The following KAZN variants were observed in gnomAD, a reference collection of about 807,000 sequenced individuals.
KAZN encodes the protein kazrin.
A neutral mutation model predicts 87.4 loss-of-function variants in KAZN; 40 were observed. The ratio of observed to expected loss-of-function variants is 0.46; its 90% confidence interval spans 0.36 to 0.60. The LOEUF (loss-of-function observed/expected upper bound fraction) is 0.60. Among genes scored for constraint, KAZN ranks in the 20% least tolerant of loss-of-function variants. The pLI is 0.00. For missense variants in KAZN, 898 were observed against 1,073.9 expected, an observed-to-expected ratio of 0.84 and a Z score of 2.29; for synonymous variants, 466 against 458.3, an observed-to-expected ratio of 1.02 and a Z score of -0.22.
At chr1:14,219,561 A>G (rs1647046909) in intron 2 of KAZN, among the ~76,000 whole-genome samples, 1 of 152,230 alleles carries the variant, frequency 6.6e-6, no homozygotes, top group Non-Finnish European at 1.5e-5. Flanking sequence ...GTAGGTCTTC[A>G]TTAATTCATT....
At chr1:13,922,226 C>T (rs994132374) in intron 1 of KAZN, among the ~76,000 whole-genome samples, 8 of 152,176 alleles carry the variant, frequency 5.3e-5, no homozygotes, top group Non-Finnish European at 7.4e-5. Flanking sequence ...TACAGATCAT[C>T]GGTCCCCCGC....
chr1:14,556,299 C>T (rs1673869507), intron 2 of KAZN, among the ~76,000 whole-genome samples: 1 of 151,948 alleles, frequency 6.6e-6, no homozygotes, highest in African/African-American at 2.4e-5. Context: ...TTAGTAGAGA[C>T]AGGATTTCCC....
intron 2 of KAZN, among the ~76,000 whole-genome samples, chr1:14,188,759 G>T (rs186861827): frequency 2.7e-4 from 41 of 152,302 alleles, no homozygotes; most frequent in Non-Finnish European, 4.7e-4. Context: ...ATGTAAACCA[G>T]TGTTAGTCTG....
At chr1:14,354,299 A>T (rs1476744415) in intron 2 of KAZN, among the ~76,000 whole-genome samples, 1 of 152,294 alleles carries the variant, frequency 6.6e-6, no homozygotes, top group East Asian at 1.9e-4. Flanking sequence ...ATGCAGAAGG[A>T]TGAAAAAAAG....
In KAZN at chr1:15,051,125, C is replaced by T. The variant is rs538648931; in HGVS notation, c.727-4966C>T. On this transcript the variant is annotated intron_variant, in intron 4 of 14. Transcript: ENST00000376030. ...GATGTCTGCTCAGAGGCTCCTGCCTCGGGATCCTCCCAGTCTTTACCCCAG... is the reference window on the plus strand; with the variant it reads ...GATGTCTGCTCAGAGGCTCCTGCCTTGGGATCCTCCCAGTCTTTACCCCAG... Among the ~76,000 whole-genome samples the T allele has an allele frequency of 7.2e-5, 11 of 152,378 alleles. No homozygotes were observed. The South Asian group carries it at 2.3e-3, about 32-fold the overall frequency.
chr1:14,750,674 G>A (rs1335785103), intron 1 of KAZN, among the ~76,000 whole-genome samples: 1 of 151,598 alleles, frequency 6.6e-6, no homozygotes. Context: ...TGAAAGAACT[G>A]ATTAATTCCT....
intron 2 of KAZN, among the ~76,000 whole-genome samples, chr1:14,514,610 T>TGAA (rs1357116953): frequency 0.019 from 652 of 33,584 alleles, 38 homozygotes; most frequent in African/African-American, 0.077. Flanking sequence ...TATATATATA[T>TGAA]ATATATATAT....
At position 14,403,758 on chromosome 1, in the gene KAZN, A is replaced by C. The variant is rs112608287; in HGVS notation, c.250-195225A>C. ...TGTGGAGGAAAGTTTAAAACCTGAC[A>C]GTATCAAGTGTTGGTGAAAATGCTA... On this transcript the variant is annotated intron_variant, in intron 2 of 16. Coordinates refer to the KAZN transcript ENST00000636203. Among the ~76,000 whole-genome samples the C allele has an allele frequency of 1.7e-3, 258 of 152,340 alleles. 2 individuals carry two copies. The highest frequency in any genetic ancestry group is 6.0e-3 in the African/African-American group (250 of 41,578).
intron 1 of KAZN, among the ~76,000 whole-genome samples, chr1:14,624,978 T>C (rs1397909540): frequency 6.6e-6 from 1 of 152,108 alleles, no homozygotes; most frequent in African/African-American, 2.4e-5. Flanking sequence ...GATGAGGTGA[T>C]GTCTGGTTTT....
chr1:15,027,866 G>A (rs140447878), intron 2 of KAZN, among the ~76,000 whole-genome samples: 6 of 152,282 alleles, frequency 3.9e-5, no homozygotes, highest in East Asian at 3.9e-4. Flanking sequence ...GTCTCGCTCC[G>A]TCCTGTCCCA....
intron 2 of KAZN, among the ~76,000 whole-genome samples, chr1:14,299,104 A>G (rs1045881763): frequency 6.6e-6 from 1 of 152,208 alleles, no homozygotes; most frequent in Non-Finnish European, 1.5e-5. Flanking sequence ...TGTGCCAAGC[A>G]CCATCCTCAG....
intron 1 of KAZN, among the ~76,000 whole-genome samples, chr1:13,945,018 A>G (rs1400759310): frequency 1.3e-5 from 2 of 152,194 alleles, no homozygotes; most frequent in African/African-American, 2.4e-5. Context: ...ATATCATTGT[A>G]AACACTAATC....
upstream of KAZN, among the ~76,000 whole-genome samples, chr1:14,593,970 C>T (rs1572005174): frequency 6.6e-6 from 1 of 152,152 alleles, no homozygotes; most frequent in Admixed American, 6.5e-5. Context: ...TCTTCCCAGC[C>T]CCTTCACTGA....
chr1:14,976,299 G>T (rs1052641815), intron 2 of KAZN, among the ~76,000 whole-genome samples: 5 of 152,138 alleles, frequency 3.3e-5, no homozygotes, highest in Non-Finnish European at 7.3e-5. Flanking sequence ...CTCCTGAGTA[G>T]CTGGGACTAC....
At chr1:14,400,857 T>C (rs954143877) in intron 2 of KAZN, among the ~76,000 whole-genome samples, 2 of 152,202 alleles carry the variant, frequency 1.3e-5, no homozygotes, top group African/African-American at 2.4e-5. Flanking sequence ...AAAATAAAAG[T>C]AGTTTTTTCA....
intron 2 of KAZN, among the ~76,000 whole-genome samples, chr1:14,212,525 T>G (rs984217927): frequency 2.6e-5 from 4 of 151,892 alleles, no homozygotes; most frequent in Admixed American, 6.6e-5. Flanking sequence ...CTTGGATTTG[T>G]TTTTAATTAA....
At chr1:15,024,782 C>T (rs1671018374) in intron 2 of KAZN, among the ~76,000 whole-genome samples, 1 of 152,212 alleles carries the variant, frequency 6.6e-6, no homozygotes, top group Non-Finnish European at 1.5e-5. Context: ...TTAGCAGAAA[C>T]TTTGGTCCAC....
At chr1:14,886,425 TACACACACACATACAC>T (rs1654057712) in intron 1 of KAZN, among the ~76,000 whole-genome samples, 1 of 139,822 alleles carries the variant, frequency 7.2e-6, no homozygotes, top group African/African-American at 2.6e-5. Flanking sequence ...CTTGTCTCTA[TACACACACACATACAC>T]ACACACACAC....
intron 1 of KAZN, among the ~76,000 whole-genome samples, chr1:14,936,803 A>G (rs1660508886): frequency 6.6e-6 from 1 of 152,140 alleles, no homozygotes; most frequent in Admixed American, 6.5e-5. Flanking sequence ...CCCTGTCCCC[A>G]GATGCGACAA....
Sources: allele counts gnomAD v4.1 joint callset (sites outside exome capture counted in the v4.1 genomes callset), GRCh38; gene constraint gnomAD v4.1.1; transcripts MANE v1.5; gene names NCBI Gene and HGNC (gene_info 2026-07-23, HGNC 2026-07-21).